Variants in DISC1 observed in about 807,000 individuals in gnomAD.
DISC1 encodes the protein DISC1 scaffold protein, also known as disrupted in schizophrenia 1 protein.
Under a neutral mutation model 84.5 loss-of-function variants are expected in DISC1, and 57 were observed. That is an observed-to-expected ratio of 0.67 (90% CI 0.55 to 0.84). The LOEUF (loss-of-function observed/expected upper bound fraction) is 0.84, where lower values mean the gene tolerates loss of function less well. DISC1 is among the 40% of genes least tolerant of loss of function. DISC1 has a pLI of 0.00. For synonymous variants in DISC1, 411 were observed against 415.2 expected (o/e 0.99, Z 0.12); for missense variants, 1,000 against 1,057.8 (o/e 0.95, Z 0.76).
intron 1 of DISC1, among the ~76,000 whole-genome samples, chr1:231,681,260 T>A (rs2063659926): frequency 1.3e-5 from 2 of 152,228 alleles, no homozygotes; most frequent in Admixed American, 1.3e-4. Flanking sequence ...ACTGAATTCC[T>A]CAGCCACCTG....
chr1:231,777,332 C>T (rs2077033038), intron 6 of DISC1, among the ~76,000 whole-genome samples: 3 of 152,104 alleles, frequency 2.0e-5, no homozygotes, highest in Admixed American at 2.0e-4. Context: ...AGTGATCCTC[C>T]TGCCTCAGCC....
At chr1:231,924,436 A>C (rs1007922846) in intron 9 of DISC1, among the ~76,000 whole-genome samples, 1 of 152,190 alleles carries the variant, frequency 6.6e-6, no homozygotes, top group Admixed American at 6.5e-5. Flanking sequence ...TGGAAAATCT[A>C]TTGAAGCCTT....
chr1:231,769,071 G>A (rs2076368467), intron 5 of DISC1, among the ~76,000 whole-genome samples: 1 of 152,224 alleles, frequency 6.6e-6, no homozygotes, highest in Non-Finnish European at 1.5e-5. Context: ...TTGTAAGGAT[G>A]TGGACTTTTC....
At chr1:231,653,689 C>A (rs1348748154) in intron 1 of DISC1, among the ~76,000 whole-genome samples, 1 of 152,264 alleles carries the variant, frequency 6.6e-6, no homozygotes, top group South Asian at 2.1e-4. Flanking sequence ...ACAGAACACA[C>A]CCCTCCCAGA....
At chr1:231,671,905 C>G (rs2062663446) in intron 1 of DISC1, among the ~76,000 whole-genome samples, 1 of 152,154 alleles carries the variant, frequency 6.6e-6, no homozygotes, top group Non-Finnish European at 1.5e-5. Context: ...CTGCTGGGTA[C>G]AAAGTAGGTG....
At chr1:231,901,987 A>C (rs901116251) in intron 9 of DISC1, among the ~76,000 whole-genome samples, 1 of 152,174 alleles carries the variant, frequency 6.6e-6, no homozygotes, top group Non-Finnish European at 1.5e-5. Context: ...CCCACGTTTC[A>C]TGGGATACCA....
At chr1:231,911,864 G>T (rs1169996063) in intron 9 of DISC1, among the ~76,000 whole-genome samples, 1 of 152,116 alleles carries the variant, frequency 6.6e-6, no homozygotes, top group Non-Finnish European at 1.5e-5. Flanking sequence ...TTGGAGGTTT[G>T]TTTGTTTCTT....
intron 9 of DISC1, among the ~76,000 whole-genome samples, chr1:231,846,275 G>A (rs537617972): frequency 6.6e-6 from 1 of 152,332 alleles, no homozygotes; most frequent in South Asian, 2.1e-4. Context: ...AACCAGTGAT[G>A]GAGGATCCAG....
Position 231,892,236 on chromosome 1 carries a change from C to T in DISC1, c.1982-66592C>T, listed in dbSNP as rs2087288647. On this transcript the variant is annotated intron_variant, in intron 9 of 12. Transcript: ENST00000439617. ...GAAGAAGCAGTATATGATTCCACAA[C>T]AGTAATTTCATTCTTCAAGAAGATT... 2.0e-5 allele frequency among the ~76,000 whole-genome samples: 3 copies of T among 152,158 alleles called. No homozygotes were observed. The South Asian group carries it at 6.2e-4, about 32-fold the overall frequency.
chr1:231,795,223 C>T lies in DISC1; in HGVS notation c.1635-19C>T, dbSNP rs201920349. ...TGTGGTTACCAAGAAGACCAATCTC[C>T]TCTTTTTAATTCTTCCAGCCTCCAG... is the stretch of plus-strand genomic sequence containing the variant. On this transcript the variant is annotated intron_variant, in intron 6 of 12. Transcript: ENST00000439617. 170 of 1,612,446 alleles carry T rather than the reference C, an allele frequency of 1.1e-4. No individual in the cohort carries two copies. Among genetic ancestry groups the T allele is most frequent in the Non-Finnish European group, 1.1e-4 (134 of 1,178,526 alleles).
chr1:231,915,372 C>A (rs1302465640), intron 9 of DISC1, among the ~76,000 whole-genome samples: 1 of 152,120 alleles, frequency 6.6e-6, no homozygotes, highest in South Asian at 2.1e-4. Flanking sequence ...GAATGTTGTC[C>A]CTTAAGGAAG....
chr1:231,825,907 A>G (rs1041393981), intron 9 of DISC1, among the ~76,000 whole-genome samples: 2 of 152,180 alleles, frequency 1.3e-5, no homozygotes, highest in Admixed American at 1.3e-4. Flanking sequence ...ATTGCTCTTT[A>G]CTGTGTATAT....
chr1:231,708,279 G>C (rs1049120258), intron 3 of DISC1, among the ~76,000 whole-genome samples: 1 of 152,178 alleles, frequency 6.6e-6, no homozygotes, highest in African/African-American at 2.4e-5. Flanking sequence ...AGGGCCCAGA[G>C]AAAACAAATG....
chr1:231,886,766 C>CCGTCCTTTCTTT (rs2086724494), intron 9 of DISC1, among the ~76,000 whole-genome samples: 12 of 84,380 alleles, frequency 1.4e-4, no homozygotes, highest in African/African-American at 4.1e-4. Flanking sequence ...TTCCTTCCTT[C>CCGTCCTTTCTTT]CTTTCTTTCT....
chr1:231,792,948 A>C (rs1035864238), intron 6 of DISC1, among the ~76,000 whole-genome samples: 10 of 152,080 alleles, frequency 6.6e-5, no homozygotes, highest in African/African-American at 2.4e-4. Context: ...CCTCTGTCAA[A>C]CCTCACTTCT....
At chr1:231,807,762 T>G (rs992743515) in intron 8 of DISC1, among the ~76,000 whole-genome samples, 1 of 152,076 alleles carries the variant, frequency 6.6e-6, no homozygotes, top group Non-Finnish European at 1.5e-5. Context: ...CTCACTCACC[T>G]TTTTTAATCA....
At chr1:231,980,789 C>G (rs1376440496) in intron 10 of DISC1, among the ~76,000 whole-genome samples, 2 of 152,170 alleles carry the variant, frequency 1.3e-5, no homozygotes, top group Non-Finnish European at 2.9e-5. Flanking sequence ...TAAAAGATAT[C>G]TTGTTCTTAC....
At chr1:231,628,295 C>CA (rs1311889418) in intron 1 of DISC1, among the ~76,000 whole-genome samples, 5 of 152,050 alleles carry the variant, frequency 3.3e-5, no homozygotes, top group Middle Eastern at 3.4e-3. Context: ...CATCTGTTTA[C>CA]AAAAAAGATA....
At chr1:231,761,198 T>C (rs765496850) in intron 4 of DISC1, among the ~76,000 whole-genome samples, 2 of 152,184 alleles carry the variant, frequency 1.3e-5, no homozygotes, top group African/African-American at 4.8e-5. Context: ...TGAATCCCCA[T>C]TGGCACTGAG....
Sources: allele counts gnomAD v4.1 joint callset (sites outside exome capture counted in the v4.1 genomes callset), GRCh38; gene constraint gnomAD v4.1.1; transcripts MANE v1.5; gene names NCBI Gene and HGNC (gene_info 2026-07-23, HGNC 2026-07-21).